LAMA2: variants seen among roughly 807,000 people sequenced by gnomAD.
LAMA2 encodes the protein laminin subunit alpha 2, also known as laminin subunit alpha-2.
In LAMA2, 269 loss-of-function variants were observed where a neutral mutation model predicts 364.8. That is an observed-to-expected ratio of 0.74 (90% CI 0.67 to 0.82). The LOEUF (loss-of-function observed/expected upper bound fraction) is 0.82. Among genes scored for constraint, LAMA2 ranks in the 40% least tolerant of loss-of-function variants. The probability of loss-of-function intolerance (pLI) is 0.00; values close to 1 mark genes in which losing one functional copy is unlikely to be tolerated. For synonymous variants in LAMA2, 1,379 were observed against 1,370.6 expected (o/e 1.01, Z -0.14); for missense variants, 3,807 against 3,873.2 (o/e 0.98, Z 0.45).
chr6:129,503,157 C>A lies in LAMA2; in HGVS notation c.8424C>A (p.Ile2808=). The change falls in exon 60 of 65, where the codon ATC becomes ATA. Residue 2808 remains isoleucine, a synonymous_variant. Coordinates refer to ENST00000421865, the MANE Select transcript of LAMA2 (RefSeq NM_000426.4). The part of the protein sequence containing the change: ...ESGLLFYMAR[I]NHADFATVQL... ...GCTTGCTTTTTTACATGGCTCGCAT[C>A]AATCATGCTGATTTTGCAACAGTTC... 6.2e-7 allele frequency: 1 copy of A among 1,614,154 alleles called. No individual in the cohort carries two copies. The highest frequency in any genetic ancestry group is 1.1e-5 in the South Asian group (1 of 91,088).
At chr6:129,320,437 T>C (rs1343124956) in intron 27 of LAMA2, 101 bp from the exon 28 acceptor site, 1 of 795,466 alleles carries the variant, frequency 1.3e-6, no homozygotes, top group Non-Finnish European at 2.3e-6. Context: ...ATACTTGAGG[T>C]TGACAAAAAC....
At chr6:128,940,958 AT>A (rs937558037) in intron 1 of LAMA2, among the ~76,000 whole-genome samples, 12 of 152,080 alleles carry the variant, frequency 7.9e-5, no homozygotes, top group African/African-American at 2.7e-4. Flanking sequence ...CCCCCCCAAA[AT>A]TTTTTTAAAT....
At chr6:128,942,259 G>GA (rs577735191) in intron 1 of LAMA2, among the ~76,000 whole-genome samples, 6 of 149,614 alleles carry the variant, frequency 4.0e-5, no homozygotes, top group Non-Finnish European at 7.4e-5. Context: ...GGAGAAACTT[G>GA]AAAAAAAAAT....
At position 129,422,290 on chromosome 6, in the gene LAMA2, G is replaced by GA. The variant is rs201559586; in HGVS notation, c.5866-5453dup. 4.4e-3 allele frequency among the ~76,000 whole-genome samples: 662 copies of GA among 151,006 alleles called. 4 individuals carry two copies. The highest frequency in any genetic ancestry group is 0.01 in the African/African-American group (421 of 41,168). On this transcript the variant is annotated intron_variant, in intron 40 of 64. Coordinates refer to ENST00000421865, the MANE Select transcript of LAMA2 (RefSeq NM_000426.4). ...AATCACTGACTTCCTAAAAAGCAGG[G>GA]AAAAAAAAATTGCCTGGAAGCAAAG...
intron 41 of LAMA2, among the ~76,000 whole-genome samples, chr6:129,434,124 T>G (rs1781728910): frequency 6.6e-6 from 1 of 152,182 alleles, no homozygotes; most frequent in Non-Finnish European, 1.5e-5. Flanking sequence ...CTAATTTATA[T>G]TTAGCATCAT....
chr6:128,979,441 T>C (rs1310082220), intron 1 of LAMA2, among the ~76,000 whole-genome samples: 4 of 151,940 alleles, frequency 2.6e-5, no homozygotes, highest in Non-Finnish European at 4.4e-5. Flanking sequence ...TCCTTTGAAG[T>C]AATGTCACAA....
intron 1 of LAMA2, among the ~76,000 whole-genome samples, chr6:128,931,655 G>A (rs1779487277): frequency 6.6e-6 from 1 of 152,108 alleles, no homozygotes; most frequent in Non-Finnish European, 1.5e-5. Context: ...GTGGGATCAG[G>A]CAAGAACATG....
chr6:129,292,920 G>A (rs1006896103), intron 20 of LAMA2: 7 of 985,800 alleles, frequency 7.1e-6, no homozygotes, highest in African/African-American at 7.0e-5. Flanking sequence ...ATCAGGCTTC[G>A]TAGGGAAACA....
At chr6:129,417,890 G>A (rs541871965) in intron 40 of LAMA2, among the ~76,000 whole-genome samples, 1 of 152,304 alleles carries the variant, frequency 6.6e-6, no homozygotes, top group South Asian at 2.1e-4. Flanking sequence ...TGAGAGACCA[G>A]GAAGAAGGAG....
rs932092555 is a variant in LAMA2 at position 129,200,341 on chromosome 6, T to C, written c.1782+7488T>C. On this transcript the variant is annotated intron_variant, in intron 12 of 64. Transcript: ENST00000421865. ...ACGTGTACACATATACATATACACGTATATGTGTACACATATACATATACA... is the reference window on the plus strand; with the variant it reads ...ACGTGTACACATATACATATACACGCATATGTGTACACATATACATATACA... Among the ~76,000 whole-genome samples, 3 of 145,220 alleles carry C rather than the reference T, an allele frequency of 2.1e-5. 1 individual carries two copies. Among genetic ancestry groups the C allele is most frequent in the South Asian group, 2.1e-4 (1 of 4,672 alleles).
intron 1 of LAMA2, among the ~76,000 whole-genome samples, chr6:128,913,020 T>C (rs1236060876): frequency 6.6e-6 from 1 of 152,184 alleles, no homozygotes; most frequent in Non-Finnish European, 1.5e-5. Flanking sequence ...GGGACTGGAA[T>C]TTAAGTTTAG....
intron 17 of LAMA2, among the ~76,000 whole-genome samples, chr6:129,271,823 G>C (rs1787961130): frequency 6.6e-6 from 1 of 152,060 alleles, no homozygotes; most frequent in Non-Finnish European, 1.5e-5. Flanking sequence ...GTCAGCTATA[G>C]TCTTTTAATG....
intron 48 of LAMA2, among the ~76,000 whole-genome samples, chr6:129,458,757 C>T (rs1479669358): frequency 6.6e-6 from 1 of 151,972 alleles, no homozygotes; most frequent in East Asian, 1.9e-4. Flanking sequence ...TAGCAGTAGG[C>T]TATACCATAG....
intron 1 of LAMA2, among the ~76,000 whole-genome samples, chr6:128,889,578 C>T (rs1776331286): frequency 6.6e-6 from 1 of 152,054 alleles, no homozygotes; most frequent in Non-Finnish European, 1.5e-5. Flanking sequence ...TTCTTCCTTC[C>T]TCCCTTTCTT....
intron 58 of LAMA2, among the ~76,000 whole-genome samples, chr6:129,499,258 CTG>C (rs953069111): frequency 1.4e-4 from 22 of 152,172 alleles, no homozygotes; most frequent in East Asian, 3.9e-4. Flanking sequence ...TCTACTGAGA[CTG>C]TGAATTTTTT....
At chr6:128,930,838 A>C (rs1779426689) in intron 1 of LAMA2, among the ~76,000 whole-genome samples, 1 of 152,182 alleles carries the variant, frequency 6.6e-6, no homozygotes, top group South Asian at 2.1e-4. Context: ...GGCTTTCAAG[A>C]CCATCACAGT....
intron 13 of LAMA2, 105 bp downstream of exon 13, chr6:129,250,318 A>T (rs1348849228): frequency 1.3e-6 from 1 of 745,942 alleles, no homozygotes; most frequent in Non-Finnish European, 2.4e-6. Context: ...TTACAGGACT[A>T]CTAAAAAAAA....
chr6:129,497,527 G>T (rs559726509), intron 58 of LAMA2, among the ~76,000 whole-genome samples: 1 of 152,146 alleles, frequency 6.6e-6, no homozygotes, highest in Non-Finnish European at 1.5e-5. Flanking sequence ...AAGCCACCAC[G>T]CCTGGCCCAG....
intron 12 of LAMA2, among the ~76,000 whole-genome samples, chr6:129,224,571 G>C (rs1490833886): frequency 6.6e-6 from 1 of 152,132 alleles, no homozygotes; most frequent in African/African-American, 2.4e-5. Flanking sequence ...GTTGAATTTT[G>C]TCAAAGGCCT....
Sources: allele counts gnomAD v4.1 joint callset (sites outside exome capture counted in the v4.1 genomes callset), GRCh38; gene constraint gnomAD v4.1.1; transcripts MANE v1.5; gene names NCBI Gene and HGNC (gene_info 2026-07-23, HGNC 2026-07-21).